The following DENND2A variants were observed in gnomAD, a reference collection of about 807,000 sequenced individuals.
DENND2A encodes the protein DENN domain-containing protein 2A.
In DENND2A, 53 loss-of-function variants were observed where a neutral mutation model predicts 105.3. The observed-to-expected ratio is 0.50, with a 90% CI of 0.40 to 0.63. The LOEUF is 0.63. Ranked by LOEUF, DENND2A falls within the 30% of genes least tolerant of loss-of-function variation. The pLI is 0.00. For missense variants in DENND2A, 1,138 were observed against 1,279.6 expected, an observed-to-expected ratio of 0.89 and a Z score of 1.69; for synonymous variants, 522 against 508.4, an observed-to-expected ratio of 1.03 and a Z score of -0.36.
intron 14 of DENND2A, among the ~76,000 whole-genome samples, chr7:140,538,842 G>T (rs1396479046): frequency 6.6e-6 from 1 of 151,284 alleles, no homozygotes; most frequent in African/African-American, 2.4e-5. Flanking sequence ...TATTTTTTTT[G>T]AGACAGAGTC....
At chr7:140,519,977 C>T (rs1044906178) in intron 18 of DENND2A, among the ~76,000 whole-genome samples, 8 of 149,270 alleles carry the variant, frequency 5.4e-5, no homozygotes, top group Non-Finnish European at 8.9e-5. Context: ...GCCTTCCGAG[C>T]GTCTACACTG....
chr7:140,612,075 A>G (rs1472150975), intron 1 of DENND2A, among the ~76,000 whole-genome samples: 2 of 152,080 alleles, frequency 1.3e-5, no homozygotes, highest in Non-Finnish European at 1.5e-5. Flanking sequence ...CCCCGTCTCT[A>G]CTAAAAATAC....
At chr7:140,526,336 C>T (rs1338442188) in intron 15 of DENND2A, among the ~76,000 whole-genome samples, 1 of 152,166 alleles carries the variant, frequency 6.6e-6, no homozygotes, top group Non-Finnish European at 1.5e-5. Context: ...GGGACAGGAC[C>T]AGGGTGGGGC....
chr7:140,536,578 G>C (rs1796463516), intron 14 of DENND2A, among the ~76,000 whole-genome samples: 1 of 152,112 alleles, frequency 6.6e-6, no homozygotes, highest in Non-Finnish European at 1.5e-5. Context: ...TCTAAATCTT[G>C]CTCTAATTGG....
At chr7:140,620,762 C>T (rs1440473738) in intron 1 of DENND2A, among the ~76,000 whole-genome samples, 1 of 152,118 alleles carries the variant, frequency 6.6e-6, no homozygotes, top group African/African-American at 2.4e-5. Flanking sequence ...CTAAGTGATA[C>T]TTTATTCTCA....
chr7:140,534,996 C>T (rs529517876), intron 14 of DENND2A, among the ~76,000 whole-genome samples: 45 of 152,190 alleles, frequency 3.0e-4, no homozygotes, highest in Middle Eastern at 3.4e-3. Flanking sequence ...AACATCAGGA[C>T]GCACTTGTAA....
chr7:140,606,853 G>GT (rs1192218034), intron 1 of DENND2A, among the ~76,000 whole-genome samples: 1 of 152,188 alleles, frequency 6.6e-6, no homozygotes, highest in African/African-American at 2.4e-5. Flanking sequence ...ATAAACTGAA[G>GT]TAACTGATTA....
At chr7:140,626,736 A>G (rs269228) in intron 1 of DENND2A, among the ~76,000 whole-genome samples, 7,251 of 152,166 alleles carry the variant, frequency 0.048, 556 homozygotes, top group African/African-American at 0.16. Context: ...CCTGGCTCCC[A>G]GCCAGCACAT....
chr7:140,586,577 A>G (rs1563160264), intron 4 of DENND2A, among the ~76,000 whole-genome samples: 1 of 152,052 alleles, frequency 6.6e-6, no homozygotes, highest in Non-Finnish European at 1.5e-5. Context: ...AATAAAAAAG[A>G]AAGAAAGAAA....
chr7:140,550,302 C>T (rs1179093554), intron 12 of DENND2A, among the ~76,000 whole-genome samples: 1 of 152,254 alleles, frequency 6.6e-6, no homozygotes, highest in East Asian at 1.9e-4. Context: ...AAACGATTCT[C>T]CTGCCTCAGC....
At chr7:140,594,520 G>C (rs1405036499) in intron 3 of DENND2A, among the ~76,000 whole-genome samples, 1 of 152,160 alleles carries the variant, frequency 6.6e-6, no homozygotes, top group Non-Finnish European at 1.5e-5. Flanking sequence ...ACACATCCCT[G>C]CTGAATGTTC....
intron 5 of DENND2A, among the ~76,000 whole-genome samples, chr7:140,583,142 A>T (rs1209583641): frequency 1.3e-5 from 2 of 151,760 alleles, no homozygotes; most frequent in Non-Finnish European, 2.9e-5. Context: ...AAAAAATACA[A>T]AAAATTAGCC....
Position 140,518,503 on chromosome 7 carries a change from G to A in DENND2A, c.*204C>T. On this transcript the variant is annotated 3_prime_UTR_variant, in exon 20 of 20. Transcript: ENST00000496613. ...CATTTGCATGTCGGCGACACGCCTGGTCTCGGGCTCCCTTTCTGGGGCTGT... is the reference window on the plus strand; with the variant it reads ...CATTTGCATGTCGGCGACACGCCTGATCTCGGGCTCCCTTTCTGGGGCTGT... 1 of 490,598 alleles carries A rather than the reference G, an allele frequency of 2.0e-6. No homozygotes were observed. The highest frequency in any genetic ancestry group is 3.9e-5 in the South Asian group (1 of 25,734). The allele number at this position is 490,598 out of a possible 1,614,324, so 30.4% of individuals were successfully genotyped here. A position where few individuals can be genotyped will look rare whatever the true frequency, so the allele number is the denominator to read the frequency against.
intron 3 of DENND2A, among the ~76,000 whole-genome samples, chr7:140,594,755 G>A (rs1462548776): frequency 1.3e-5 from 2 of 152,150 alleles, no homozygotes; most frequent in African/African-American, 4.8e-5. Context: ...TTTTCGCTCT[G>A]TCGCCAGGCT....
At chr7:140,582,912 T>TTCTA (rs1194058043) in intron 5 of DENND2A, among the ~76,000 whole-genome samples, 2 of 152,212 alleles carry the variant, frequency 1.3e-5, no homozygotes, top group Non-Finnish European at 2.9e-5. Context: ...ATATACATTT[T>TTCTA]TCTTTCTTTC....
chr7:140,524,925 G>A (rs1464916990), intron 16 of DENND2A, among the ~76,000 whole-genome samples: 1 of 141,998 alleles, frequency 7.0e-6, no homozygotes, highest in Non-Finnish European at 1.5e-5. Context: ...TCGCTCTGTC[G>A]CCCAGGTTGG....
At position 140,573,864 on chromosome 7, in the gene DENND2A, T is replaced by C; in HGVS notation, c.1390A>G (p.Ile464Val). Residue 464 changes from isoleucine to valine, a missense_variant, in exon 6 of 20, where the codon ATT becomes GTT. Ile to Val is a conservative substitution (Grantham distance 29). Coordinates refer to ENST00000496613, the MANE Select transcript of DENND2A (RefSeq NM_015689.5). ...TGTGGGTCTCCAAGGTTAAAGAAAA[T>C]GTCATCAGGGCTGCTGGGAGTGGAG... ...PPSTPSSPDD[I>V]FFNLGDPQNG... The C allele has an allele frequency of 1.2e-6, 2 of 1,613,956 alleles. No homozygotes were observed. The highest frequency in any genetic ancestry group is 1.7e-5 in the Admixed American group (1 of 59,980).
At chr7:140,585,221 C>A (rs1030282697) in intron 5 of DENND2A, among the ~76,000 whole-genome samples, 3 of 152,172 alleles carry the variant, frequency 2.0e-5, no homozygotes, top group Non-Finnish European at 4.4e-5. Flanking sequence ...ACAACAACAA[C>A]CCACAAATGG....
chr7:140,630,062 T>A (rs1268216599), intron 1 of DENND2A, among the ~76,000 whole-genome samples: 1 of 151,866 alleles, frequency 6.6e-6, no homozygotes, highest in African/African-American at 2.4e-5. Context: ...GGTTTCACCA[T>A]GTTGGCCAGG....
Sources: gnomAD v4.1 joint callset for allele counts (sites outside exome capture counted in the v4.1 genomes callset) on GRCh38, gnomAD v4.1.1 for gene constraint, MANE v1.5 for transcripts, NCBI Gene and HGNC (gene_info 2026-07-23, HGNC 2026-07-21) for gene names.